Variants in ITGAM observed in about 807,000 individuals in gnomAD.
ITGAM encodes the protein integrin subunit alpha M, also known as integrin alpha-M.
In ITGAM, 79 loss-of-function variants were observed where a neutral mutation model predicts 137.5. The ratio of observed to expected loss-of-function variants is 0.57; its 90% CI spans 0.48 to 0.69. The LOEUF is 0.69. Ranked by LOEUF, ITGAM falls within the 30% of genes least tolerant of loss-of-function variation. ITGAM has a pLI of 0.00. For missense variants in ITGAM, 1,343 were observed against 1,483.5 expected (o/e 0.91, Z 1.56); for synonymous variants, 583 against 592.3 (o/e 0.98, Z 0.23).
chr16:31,330,446 C>T (rs370751873), intron 27 of ITGAM, 25 bp downstream of exon 27: 18 of 1,610,332 alleles, frequency 1.1e-5, no homozygotes, highest in Admixed American at 1.7e-5. Flanking sequence ...GAGGCTTCGC[C>T]GGGCACAGGC....
At position 31,260,110 on chromosome 16, in the gene ITGAM, G is replaced by A; in HGVS notation, c.28+18G>A. On this transcript the variant is annotated intron_variant, in intron 1 of 29. Transcript: ENST00000544665. ...GTTAACAGGTGCATGGGGGTGGGGTGGGGGACTCTGGGTGGGGAGGAGGGT... is the reference window on the plus strand; with the variant it reads ...GTTAACAGGTGCATGGGGGTGGGGTAGGGGACTCTGGGTGGGGAGGAGGGT... The A allele has an allele frequency of 6.6e-7, 1 of 1,516,710 alleles. No homozygotes were observed. Among genetic ancestry groups the A allele is most frequent in the Non-Finnish European group, 9.0e-7 (1 of 1,111,324 alleles). The allele number at this position is 1,516,710 out of a possible 1,614,324, so 94.0% of individuals were successfully genotyped here.
chr16:31,307,374 G>A (rs1671900994), intron 14 of ITGAM, among the ~76,000 whole-genome samples: 1 of 152,144 alleles, frequency 6.6e-6, no homozygotes, highest in South Asian at 2.1e-4. Context: ...TCCCTTGTAA[G>A]TTGGATTCCT....
At position 31,325,375 on chromosome 16, in the gene ITGAM, C is replaced by T; in HGVS notation, c.2476C>T (p.Leu826=). ...GGTCACCTTCTTCTTCCCGCTTGAC[C>T]TGTCCTACCGGAAGGTGTCCACGCT... ...TQVTFFFPLD[L]SYRKVSTLQN... Residue 826 remains leucine, a synonymous_variant, in exon 20 of 30, where the codon CTG becomes TTG. Transcript: ENST00000544665. 3.1e-6 allele frequency: 5 copies of T among 1,613,714 alleles called. No individual in the cohort carries two copies. The highest frequency in any genetic ancestry group is 4.2e-6 in the Non-Finnish European group (5 of 1,179,688).
chr16:31,282,620 G>A (rs371959771), intron 12 of ITGAM, among the ~76,000 whole-genome samples: 12 of 152,072 alleles, frequency 7.9e-5, no homozygotes, highest in East Asian at 1.9e-4. Flanking sequence ...GTCTCTGCAC[G>A]TGAGATGGGT....
intron 2 of ITGAM, among the ~76,000 whole-genome samples, chr16:31,262,972 C>A (rs554603674): frequency 1.3e-5 from 2 of 152,058 alleles, no homozygotes; most frequent in Non-Finnish European, 2.9e-5. Flanking sequence ...TTTAGAGACT[C>A]CCTCTGTCGC....
chr16:31,277,891 C>G (rs956542537), intron 11 of ITGAM, 76 bp from the exon 12 acceptor site: 9 of 1,474,330 alleles, frequency 6.1e-6, no homozygotes, highest in Non-Finnish European at 6.4e-6. Context: ...CCCCAGTGCC[C>G]CTACTCAAGG....
intron 12 of ITGAM, among the ~76,000 whole-genome samples, chr16:31,286,351 G>T (rs549045796): frequency 6.6e-6 from 1 of 152,054 alleles, no homozygotes; most frequent in Non-Finnish European, 1.5e-5. Context: ...TTTTCTTTTG[G>T]ATATATGGCC....
In ITGAM at chr16:31,276,692, G is replaced by A. The variant is rs995301109; in HGVS notation, c.1031G>A (p.Ser344Asn). 3.1e-6 allele frequency: 5 copies of A among 1,611,872 alleles called. No individual in the cohort carries two copies. The highest frequency in any genetic ancestry group is 4.2e-6 in the Non-Finnish European group (5 of 1,178,948). The change falls in exon 10 of 30, where the codon AGC (serine) becomes AAC (asparagine). Residue 344 changes from serine to asparagine, a missense_variant. Ser to Asn is a conservative substitution (Grantham distance 46). Transcript: ENST00000544665. ...ACAGGTACTCAGACAGGAAGTAGCA[G>A]CTCCTTTGAGCATGAGATGTCTCAG... ...AIEGTQTGSS[S>N]SFEHEMSQEG...
At chr16:31,273,591 C>A in intron 8 of ITGAM, 73 bp downstream of exon 8, 1 of 1,456,170 alleles carries the variant, frequency 6.9e-7, no homozygotes, top group Non-Finnish European at 9.5e-7. Flanking sequence ...CTTCAATTTG[C>A]AAATATTATT....
chr16:31,285,495 C>T (rs1300673000), intron 12 of ITGAM, among the ~76,000 whole-genome samples: 4 of 152,014 alleles, frequency 2.6e-5, no homozygotes, highest in Non-Finnish European at 4.4e-5. Context: ...GTTAGCCAAG[C>T]GTGGTGGCGT....
chr16:31,308,257 G>A (rs930945696), intron 14 of ITGAM, among the ~76,000 whole-genome samples: 17 of 152,058 alleles, frequency 1.1e-4, no homozygotes, highest in African/African-American at 3.4e-4. Flanking sequence ...GGTAGAATTC[G>A]GCTGTGAATC....
At chr16:31,265,142 A>G (rs1367764211) in intron 2 of ITGAM, among the ~76,000 whole-genome samples, 2 of 152,208 alleles carry the variant, frequency 1.3e-5, no homozygotes, top group East Asian at 3.9e-4. Context: ...TGCTAGGATT[A>G]CAAGCATGAG....
chr16:31,271,599 C>T lies in ITGAM; in HGVS notation c.559-248C>T, dbSNP rs987825339. ...AACTCCTGACCTCAGGTGATCCACC[C>T]GCCTCGGCTTCCCAAAGTGCTGGGA... is the stretch of plus-strand genomic sequence containing the variant. On this transcript the variant is annotated intron_variant, in intron 6 of 29. Transcript: ENST00000544665. Among the ~76,000 whole-genome samples, 7 of 152,178 alleles carry T rather than the reference C, an allele frequency of 4.6e-5. No individual in the cohort carries two copies. The East Asian group carries it at 5.8e-4, about 13-fold the overall frequency.
At chr16:31,326,420 T>A (rs1472048162) in intron 21 of ITGAM, among the ~76,000 whole-genome samples, 1 of 152,166 alleles carries the variant, frequency 6.6e-6, no homozygotes, top group African/African-American at 2.4e-5. Flanking sequence ...TTTTAAATTT[T>A]TTATATATAT....
At chr16:31,272,394 C>G (rs1268614448) in intron 7 of ITGAM, among the ~76,000 whole-genome samples, 3 of 121,214 alleles carry the variant, frequency 2.5e-5, no homozygotes, top group Non-Finnish European at 5.0e-5. Flanking sequence ...GTGCAGTGCT[C>G]TGGGAGAGGT....
rs1451303984 is a variant in ITGAM, at chr16:31,324,322, GGA to G, written c.2003-75_2003-74del. The G allele has an allele frequency of 1.6e-6, 2 of 1,242,248 alleles. No homozygotes were observed. Among genetic ancestry groups the G allele is most frequent in the East Asian group, 5.1e-5 (2 of 39,214 alleles). The allele number at this position is 1,242,248 out of a possible 1,614,324, so 77.0% of individuals were successfully genotyped here. A position where few individuals can be genotyped will look rare whatever the true frequency, so the allele number is the denominator to read the frequency against. On this transcript the variant is annotated intron_variant, in intron 16 of 29. Coordinates refer to ENST00000544665, the MANE Select transcript of ITGAM (RefSeq NM_000632.4). The surrounding 1 kb of genome is among the most constrained non-coding windows in gnomAD (Gnocchi z 4.5). ...CCAAGTCACACAGCTGAGAAGCAGAGGAGCTGGGCCTTGAACTCCCATCTGCC... is the reference window on the plus strand; with the variant it reads ...CCAAGTCACACAGCTGAGAAGCAGAGGCTGGGCCTTGAACTCCCATCTGCC...
intron 12 of ITGAM, among the ~76,000 whole-genome samples, chr16:31,283,617 C>T (rs373432947): frequency 5.3e-5 from 8 of 152,120 alleles, no homozygotes; most frequent in Non-Finnish European, 1.0e-4. Context: ...GTTAGCCATT[C>T]GTCTAATCTT....
chr16:31,318,339 C>G (rs1387123816), intron 14 of ITGAM, among the ~76,000 whole-genome samples: 2 of 145,738 alleles, frequency 1.4e-5, no homozygotes, highest in Non-Finnish European at 3.0e-5. Flanking sequence ...AAAAGCTTGT[C>G]AGTTCTTTTT....
At chr16:31,287,637 T>C (rs1383482050) in intron 12 of ITGAM, among the ~76,000 whole-genome samples, 1 of 152,218 alleles carries the variant, frequency 6.6e-6, no homozygotes, top group Non-Finnish European at 1.5e-5. Context: ...TAGTTCTGTG[T>C]GTTTTTAAAA....
Sources: gnomAD v4.1 joint callset for allele counts (sites outside exome capture counted in the v4.1 genomes callset) on GRCh38, gnomAD v4.1.1 for gene constraint, Gnocchi (gnomAD v3.1) non-coding constraint, MANE v1.5 for transcripts, NCBI Gene and HGNC (gene_info 2026-07-23, HGNC 2026-07-21) for gene names.